The following DLC1 variants were observed in gnomAD, a reference collection of about 807,000 sequenced individuals.
The protein encoded by DLC1 is rho GTPase-activating protein 7.
A neutral mutation model predicts 140.3 loss-of-function variants in DLC1; 54 were observed. The observed-to-expected ratio is 0.38, with a 90% CI of 0.31 to 0.48. The LOEUF is 0.48. DLC1 is among the 20% of genes least tolerant of loss of function. The probability of loss-of-function intolerance (pLI) is 0.96; values close to 1 mark genes in which losing one functional copy is unlikely to be tolerated. For missense variants in DLC1, 2,536 were observed against 1,907.0 expected, an observed-to-expected ratio of 1.33 and a Z score of -6.14; for synonymous variants, 986 against 728.1, an observed-to-expected ratio of 1.35 and a Z score of -5.70.
At chr8:13,387,581 A>T (rs1207135451) in intron 4 of DLC1, among the ~76,000 whole-genome samples, 4 of 151,960 alleles carry the variant, frequency 2.6e-5, no homozygotes, top group Middle Eastern at 3.2e-3. Flanking sequence ...ATGTGATTGG[A>T]TTTAGAAATA....
chr8:13,458,069 G>A (rs1799492397), intron 2 of DLC1, among the ~76,000 whole-genome samples: 1 of 152,168 alleles, frequency 6.6e-6, no homozygotes, highest in Non-Finnish European at 1.5e-5. Context: ...AAGGCTCTCA[G>A]TGCTAGAATC....
chr8:13,202,742 C>T (rs1827460584), intron 5 of DLC1, among the ~76,000 whole-genome samples: 1 of 152,000 alleles, frequency 6.6e-6, no homozygotes, highest in African/African-American at 2.4e-5. Context: ...GGTGCTATTA[C>T]AGCTCACAGC....
chr8:13,479,309 A>G (rs926798380), intron 2 of DLC1, among the ~76,000 whole-genome samples: 14 of 152,248 alleles, frequency 9.2e-5, no homozygotes, highest in Non-Finnish European at 8.8e-5. Flanking sequence ...TCTGAAGACC[A>G]AGCTGCTGAT....
At chr8:13,300,499 C>T (rs1376670323) in intron 5 of DLC1, among the ~76,000 whole-genome samples, 1 of 152,088 alleles carries the variant, frequency 6.6e-6, no homozygotes, top group East Asian at 1.9e-4. Flanking sequence ...TCCCACCATC[C>T]CCCTCCCCCA....
At chr8:13,278,132 C>T (rs1012585087) in intron 5 of DLC1, among the ~76,000 whole-genome samples, 1 of 152,226 alleles carries the variant, frequency 6.6e-6, no homozygotes, top group Non-Finnish European at 1.5e-5. Context: ...TAGATATCCA[C>T]GTCTTTGCCT....
chr8:13,232,617 C>T (rs1829102068), intron 5 of DLC1, among the ~76,000 whole-genome samples: 1 of 152,182 alleles, frequency 6.6e-6, no homozygotes, highest in African/African-American at 2.4e-5. Context: ...AGGCATGAGC[C>T]ACGGTGCCCC....
At chr8:13,269,323 A>G (rs530423511) in intron 5 of DLC1, among the ~76,000 whole-genome samples, 61 of 152,288 alleles carry the variant, frequency 4.0e-4, no homozygotes, top group African/African-American at 1.4e-3. Flanking sequence ...AGCTTCAGAA[A>G]TGTTAGTGGT....
intron 4 of DLC1, among the ~76,000 whole-genome samples, chr8:13,378,005 T>C (rs1025178900): frequency 1.3e-5 from 2 of 151,238 alleles, no homozygotes; most frequent in Non-Finnish European, 3.0e-5. Flanking sequence ...TTTGAAGTAG[T>C]ACTCTTTTAA....
At chr8:13,501,774 G>A (rs887496849) in intron 1 of DLC1, among the ~76,000 whole-genome samples, 11 of 152,140 alleles carry the variant, frequency 7.2e-5, no homozygotes, top group African/African-American at 2.4e-4. Flanking sequence ...CATTTTCCAT[G>A]TTGACGTTCA....
At chr8:13,426,132 T>TTAC (rs1437756854) in intron 2 of DLC1, among the ~76,000 whole-genome samples, 20 of 152,026 alleles carry the variant, frequency 1.3e-4, no homozygotes, top group African/African-American at 2.7e-4. Flanking sequence ...ATTATTATTA[T>TTAC]TTTGGCAAGG....
intron 1 of DLC1, among the ~76,000 whole-genome samples, chr8:13,521,808 A>G (rs1802775371): frequency 6.6e-6 from 1 of 152,142 alleles, no homozygotes. Flanking sequence ...TTTCAAGTGG[A>G]ACCATTTGAG....
chr8:13,255,841 C>T (rs1403392898), intron 5 of DLC1, among the ~76,000 whole-genome samples: 1 of 152,204 alleles, frequency 6.6e-6, no homozygotes, highest in Non-Finnish European at 1.5e-5. Context: ...ATAAGAAGTA[C>T]TCACTTAATA....
chr8:13,377,983 T>C (rs962200927), intron 4 of DLC1, among the ~76,000 whole-genome samples: 3 of 151,430 alleles, frequency 2.0e-5, no homozygotes, highest in African/African-American at 7.3e-5. Context: ...ATATGTTAAG[T>C]GTAGTAGTAC....
intron 5 of DLC1, among the ~76,000 whole-genome samples, chr8:13,203,296 T>G (rs908772633): frequency 2.6e-5 from 4 of 152,182 alleles, no homozygotes; most frequent in Non-Finnish European, 5.9e-5. Flanking sequence ...AAACGTTTAT[T>G]TGAATGATTT....
chr8:13,498,750 T>C (rs1801629226), intron 2 of DLC1: 2 of 265,740 alleles, frequency 7.5e-6, no homozygotes, highest in South Asian at 1.0e-4. Flanking sequence ...CTATGAGCTA[T>C]CTAGTGGCTA....
chr8:13,538,461 G>A (rs915012574), intron 1 of DLC1, among the ~76,000 whole-genome samples: 27 of 151,992 alleles, frequency 1.8e-4, no homozygotes, highest in African/African-American at 6.3e-4. Flanking sequence ...TCCTCCTAGG[G>A]ACTTCGAAGA....
At chr8:13,257,592 C>A (rs1440031458) in intron 5 of DLC1, among the ~76,000 whole-genome samples, 1 of 152,014 alleles carries the variant, frequency 6.6e-6, no homozygotes, top group African/African-American at 2.4e-5. Flanking sequence ...AATGCAGATT[C>A]TCGACTAATA....
chr8:13,281,993 A>G (rs1213535647), intron 5 of DLC1, among the ~76,000 whole-genome samples: 3 of 152,182 alleles, frequency 2.0e-5, no homozygotes, highest in African/African-American at 7.2e-5. Flanking sequence ...TAATGAGGAT[A>G]TAGACTAGAT....
At chr8:13,403,941 C>G (rs1220226696) in intron 2 of DLC1, among the ~76,000 whole-genome samples, 2 of 148,680 alleles carry the variant, frequency 1.3e-5, no homozygotes, top group African/African-American at 2.5e-5. Flanking sequence ...TTACAGGTTT[C>G]TTAATGCATA....
Sources: gnomAD v4.1 joint callset for allele counts (sites outside exome capture counted in the v4.1 genomes callset) on GRCh38, gnomAD v4.1.1 for gene constraint, MANE v1.5 for transcripts, NCBI Gene and HGNC (gene_info 2026-07-23, HGNC 2026-07-21) for gene names.